ADK: variants seen among roughly 807,000 people sequenced by gnomAD.
ADK encodes the protein adenosine kinase.
Under a neutral mutation model 44.7 loss-of-function variants are expected in ADK, and 24 were observed. The ratio of observed to expected loss-of-function variants is 0.54; its 90% CI spans 0.39 to 0.76. The LOEUF is 0.76. ADK is among the 30% of genes least tolerant of loss of function. The pLI, the probability that ADK is intolerant of heterozygous loss-of-function variation, is 0.00. For missense variants in ADK, 321 were observed against 425.1 expected (o/e 0.76, Z 2.15); for synonymous variants, 128 against 142.6 (o/e 0.90, Z 0.73).
At chr10:74,618,372 C>G (rs941588983) in intron 9 of ADK, among the ~76,000 whole-genome samples, 2 of 152,118 alleles carry the variant, frequency 1.3e-5, no homozygotes, top group Admixed American at 6.5e-5. Flanking sequence ...CTCACTGCAG[C>G]CTCCACCTTC....
intron 10 of ADK, among the ~76,000 whole-genome samples, chr10:74,696,711 A>G (rs150154351): frequency 7.4e-4 from 112 of 152,012 alleles, no homozygotes; most frequent in African/African-American, 2.6e-3. Context: ...TTTTCTATTT[A>G]TTTGTAATTT....
At chr10:74,592,415 G>A (rs1004831241) in intron 8 of ADK, among the ~76,000 whole-genome samples, 1 of 152,060 alleles carries the variant, frequency 6.6e-6, no homozygotes, top group South Asian at 2.1e-4. Flanking sequence ...TTAAACTATT[G>A]AAAATTGATT....
chr10:74,209,806 A>T (rs1163003039), intron 2 of ADK, among the ~76,000 whole-genome samples: 1 of 152,168 alleles, frequency 6.6e-6, no homozygotes, highest in Non-Finnish European at 1.5e-5. Context: ...AACTGTAGGG[A>T]CACAGTGGGC....
At chr10:74,512,711 C>T (rs934592361) in intron 6 of ADK, among the ~76,000 whole-genome samples, 2 of 138,698 alleles carry the variant, frequency 1.4e-5, no homozygotes, top group Non-Finnish European at 3.1e-5. Context: ...TGTTTAGAAG[C>T]CAGCTTTTTG....
At chr10:74,583,205 G>T (rs1307373713) in intron 7 of ADK, among the ~76,000 whole-genome samples, 10 of 152,104 alleles carry the variant, frequency 6.6e-5, no homozygotes, top group Non-Finnish European at 1.5e-5. Context: ...ATACACAGTG[G>T]ATAGTTCTTT....
intron 4 of ADK, among the ~76,000 whole-genome samples, chr10:74,350,782 A>G (rs531708177): frequency 5.9e-5 from 9 of 152,330 alleles, no homozygotes; most frequent in East Asian, 1.9e-4. Flanking sequence ...AGAATACTAT[A>G]AACACCTCTA....
chr10:74,521,012 A>C (rs558655448), intron 6 of ADK, among the ~76,000 whole-genome samples: 1 of 152,168 alleles, frequency 6.6e-6, no homozygotes, highest in Admixed American at 6.6e-5. Flanking sequence ...TTTCTAAACT[A>C]TAGACTTGAT....
chr10:74,432,969 A>C (rs1181803976), intron 6 of ADK, among the ~76,000 whole-genome samples: 1 of 152,134 alleles, frequency 6.6e-6, no homozygotes, highest in Admixed American at 6.5e-5. Context: ...TGCATTCCTG[A>C]GATTTCCTTT....
At chr10:74,308,918 G>A (rs1840345973) in intron 3 of ADK, among the ~76,000 whole-genome samples, 1 of 151,958 alleles carries the variant, frequency 6.6e-6, no homozygotes, top group Non-Finnish European at 1.5e-5. Context: ...AGTGGCTTTA[G>A]TTTCTTTGAA....
intron 4 of ADK, among the ~76,000 whole-genome samples, chr10:74,363,719 G>C (rs1842413724): frequency 6.6e-6 from 1 of 152,160 alleles, no homozygotes; most frequent in South Asian, 2.1e-4. Context: ...TGGAGAGCCT[G>C]TCTTGTTTGC....
chr10:74,600,339 T>G (rs761991819), intron 8 of ADK, 40 bp from the exon 9 acceptor site: 166 of 1,343,330 alleles, frequency 1.2e-4, no homozygotes, highest in Non-Finnish European at 1.7e-4. Flanking sequence ...TTGTTTTATT[T>G]TATTGGTCAT....
intron 9 of ADK, among the ~76,000 whole-genome samples, chr10:74,618,823 GT>G (rs2134020470): frequency 6.6e-6 from 1 of 151,934 alleles, no homozygotes; most frequent in South Asian, 2.1e-4. Context: ...TTTATCCTTA[GT>G]TCTGGTTTTC....
intron 3 of ADK, among the ~76,000 whole-genome samples, chr10:74,275,509 A>G (rs78899212): frequency 0.011 from 1,614 of 152,186 alleles, 12 homozygotes; most frequent in Non-Finnish European, 0.016. Flanking sequence ...TGGTGTGGCA[A>G]ATTTCTAAAT....
intron 7 of ADK, among the ~76,000 whole-genome samples, chr10:74,565,887 A>G (rs1473447856): frequency 6.6e-6 from 1 of 152,200 alleles, no homozygotes; most frequent in Non-Finnish European, 1.5e-5. Context: ...TTGGTTGTAT[A>G]ATAAAGACAA....
chr10:74,199,733 G>A (rs916262767), intron 1 of ADK, among the ~76,000 whole-genome samples: 2 of 151,902 alleles, frequency 1.3e-5, no homozygotes, highest in African/African-American at 4.8e-5. Flanking sequence ...AGGCTGGAGC[G>A]CAGTGGCACG....
At chr10:74,409,529 C>A (rs1844089183) in intron 6 of ADK, among the ~76,000 whole-genome samples, 1 of 152,046 alleles carries the variant, frequency 6.6e-6, no homozygotes. Context: ...GCACTCATGC[C>A]TATTTTCTTT....
intron 3 of ADK, among the ~76,000 whole-genome samples, chr10:74,296,104 C>A (rs1270173774): frequency 6.9e-6 from 1 of 145,974 alleles, no homozygotes; most frequent in African/African-American, 2.5e-5. Flanking sequence ...GTTTCATTTG[C>A]AGTTTTTTTC....
chr10:74,359,034 A>G (rs1842235733), intron 4 of ADK, among the ~76,000 whole-genome samples: 1 of 152,160 alleles, frequency 6.6e-6, no homozygotes, highest in Admixed American at 6.5e-5. Context: ...TCCTGGCTTC[A>G]AGCAATCCTC....
intron 2 of ADK, among the ~76,000 whole-genome samples, chr10:74,204,118 G>A (rs1321973263): frequency 6.6e-6 from 1 of 151,758 alleles, no homozygotes; most frequent in African/African-American, 2.4e-5. Context: ...CATCATGCCT[G>A]GCTAATTTTT....
Sources: gnomAD v4.1 joint callset for allele counts (sites outside exome capture counted in the v4.1 genomes callset) on GRCh38, gnomAD v4.1.1 for gene constraint, MANE v1.5 for transcripts, NCBI Gene and HGNC (gene_info 2026-07-23, HGNC 2026-07-21) for gene names.